The following IQSEC2 variants were observed in gnomAD, a reference collection of about 807,000 sequenced individuals.
The protein encoded by IQSEC2 is IQ motif and SEC7 domain-containing protein 2.
A neutral mutation model predicts 74.6 loss-of-function variants in IQSEC2; 6 were observed. The observed-to-expected ratio is 0.08, with a 90% confidence interval of 0.04 to 0.16. The LOEUF is 0.16. Among genes scored for constraint, IQSEC2 ranks in the 10% least tolerant of loss-of-function variants. The pLI is 1.00. For missense variants in IQSEC2, 734 were observed against 1,306.2 expected, an observed-to-expected ratio of 0.56 and a Z score of 6.75; for synonymous variants, 494 against 544.5, an observed-to-expected ratio of 0.91 and a Z score of 1.29.
At chrX:53,249,559 A>T (rs782132322) in intron 5 of IQSEC2, among the ~76,000 whole-genome samples, 1 of 112,685 alleles carries the variant, frequency 8.9e-6, no homozygotes, top group Non-Finnish European at 1.9e-5. Flanking sequence ...AAATAGGAAC[A>T]CTACTGCCTG....
chrX:53,241,900 G>A lies in IQSEC2; in HGVS notation c.2899C>T (p.Leu967Phe). ...CAGCAAACCAGTCGACGGTGAGGGA[G>A]AGACAGGACCTAGACAGGCATGAAG... The part of the protein sequence containing the change: ...MIVGKKPVLS[L>F]PHRRLVCCCQ... Residue 967 changes from leucine to phenylalanine, a missense_variant, in exon 10 of 15, where the codon CTC (leucine) becomes TTC (phenylalanine). Leu to Phe is a conservative substitution (Grantham distance 22, BLOSUM62 0). This residue lies in a region of IQSEC2 where 249 missense variants were observed against 467.9 expected (regional missense o/e 0.53). Transcript: ENST00000642864. 1 of 1,209,319 alleles carries A rather than the reference G, an allele frequency of 8.3e-7. No individual in the cohort carries two copies. Among genetic ancestry groups the A allele is most frequent in the Non-Finnish European group, 1.1e-6 (1 of 894,288 alleles).
At chrX:53,302,009 C>T in intron 1 of IQSEC2, among the ~76,000 whole-genome samples, 1 of 112,445 alleles carries the variant, frequency 8.9e-6, no homozygotes, top group Middle Eastern at 4.6e-3. Context: ...TCAGCTCTGC[C>T]TCTTCCAGCT....
At chrX:53,259,908 G>C (rs2074543660) in intron 2 of IQSEC2, among the ~76,000 whole-genome samples, 1 of 112,279 alleles carries the variant, frequency 8.9e-6, no homozygotes, top group Admixed American at 9.4e-5. Context: ...CAACAACTGA[G>C]CACCCTCTGT....
At chrX:53,246,407 G>C (rs1421736416) in intron 8 of IQSEC2, among the ~76,000 whole-genome samples, 2 of 111,455 alleles carry the variant, frequency 1.8e-5, no homozygotes, top group Non-Finnish European at 3.8e-5. Flanking sequence ...TAGTTATCTG[G>C]GTGCTACAAG....
Position 53,243,312 on chromosome X carries a change from C to A in IQSEC2, c.2889+20G>T, listed in dbSNP as rs950111896. ...GCAGACCTGAACCCTGGCCCCTCTG[C>A]AGCCTCCCAAGGCACTTACTGGTTT... On this transcript the variant is annotated intron_variant, in intron 9 of 14. Coordinates refer to ENST00000642864, the MANE Select transcript of IQSEC2 (RefSeq NM_001111125.3). 2.6e-6 allele frequency: 3 copies of A among 1,156,764 alleles called. No individual in the cohort carries two copies. In the African/African-American group the frequency reaches 5.3e-5, roughly 21 times the overall value.
chrX:53,302,787 A>C (rs1480190326), intron 1 of IQSEC2, among the ~76,000 whole-genome samples: 2 of 111,505 alleles, frequency 1.8e-5, no homozygotes, highest in African/African-American at 6.5e-5. Flanking sequence ...TGAAATAAAA[A>C]TTAGCCAGGC....
rs184510964 is a variant in IQSEC2, at chrX:53,244,116, G to A, written c.2750-645C>T. Among the ~76,000 whole-genome samples, 4 of 109,902 alleles carry A rather than the reference G, an allele frequency of 3.6e-5. No individual in the cohort carries two copies. The East Asian group carries it at 1.1e-3, about 31-fold the overall frequency. ...TGCCTGTAGTCCCAGGTACTCGGGA[G>A]GCTGAGGCAGAATTGCTTGAACCCG... On this transcript the variant is annotated intron_variant, in intron 8 of 14. Transcript: ENST00000642864.
Position 53,308,667 on chromosome X carries a change from T to A in IQSEC2, c.707+11750A>T, listed in dbSNP as rs1413517308. ...GGAGAGATGGAGGGAAGGATGGCAC[T>A]AATAACTATGTCTTACAAAGTACGT... On this transcript the variant is annotated intron_variant, in intron 1 of 14. Transcript: ENST00000642864. Among the ~76,000 whole-genome samples, 3 of 111,579 alleles carry A rather than the reference T, an allele frequency of 2.7e-5. 1 individual carries two copies. In the Admixed American group the frequency reaches 2.9e-4, roughly 11 times the overall value.
chrX:53,266,282 T>C (rs1259564875), intron 2 of IQSEC2: 9 of 590,152 alleles, frequency 1.5e-5, no homozygotes, highest in Admixed American at 9.0e-5. Context: ...CTGGTGGGGA[T>C]TGGAAGAGGG....
chrX:53,291,183 C>T (rs1314977714), intron 2 of IQSEC2, among the ~76,000 whole-genome samples: 1 of 110,523 alleles, frequency 9.0e-6, no homozygotes, highest in Non-Finnish European at 1.9e-5. Flanking sequence ...CTTCATGAAG[C>T]TTCTGATGGG....
Position 53,303,814 on chromosome X carries a change from G to C in IQSEC2, c.708-11890C>G, listed in dbSNP as rs188325717. 5.5e-4 allele frequency among the ~76,000 whole-genome samples: 59 copies of C among 107,924 alleles called. No homozygotes were observed. The East Asian group carries it at 0.016, about 30-fold the overall frequency. The allele number at this position is 107,924 out of a possible 115,157, so 93.7% of individuals were successfully genotyped here. On this transcript the variant is annotated intron_variant, in intron 1 of 14. Transcript: ENST00000642864. ...AAACTCCATCTAAAAAAAAAAAAAAGTGAAAGTGAAAACCTTTTGAAAGAT... is the reference window on the plus strand; with the variant it reads ...AAACTCCATCTAAAAAAAAAAAAAACTGAAAGTGAAAACCTTTTGAAAGAT...
intron 1 of IQSEC2, among the ~76,000 whole-genome samples, chrX:53,308,961 A>C (rs1556877384): frequency 9.1e-6 from 1 of 109,349 alleles, no homozygotes; most frequent in East Asian, 2.9e-4. Context: ...AAACTTTGCC[A>C]GGTGTAGTGG....
At chrX:53,303,356 GCTGTAGCCTTAC>G (rs1282955273) in intron 1 of IQSEC2, among the ~76,000 whole-genome samples, 5 of 111,431 alleles carry the variant, frequency 4.5e-5, no homozygotes, top group Non-Finnish European at 9.4e-5. Flanking sequence ...AATGAGTGGA[GCTGTAGCCTTAC>G]CCAAAGGAGC....
intron 1 of IQSEC2, among the ~76,000 whole-genome samples, chrX:53,317,089 G>T (rs1211817237): frequency 9.9e-5 from 11 of 111,592 alleles, no homozygotes; most frequent in African/African-American, 3.6e-4. Flanking sequence ...CACTCTAGGT[G>T]GCAGGACTGC....
At position 53,241,885 on chromosome X, in the gene IQSEC2, G is replaced by A; in HGVS notation, c.2914C>T (p.Leu972=). The change falls in exon 10 of 15, where the codon CTG becomes TTG. Residue 972 remains leucine, a synonymous_variant. Transcript: ENST00000642864. ...KPVLSLPHRR[L]VCCCQLYEVP... ...TCGTAGAGCTGGCAGCAGCAAACCA[G>A]TCGACGGTGAGGGAGAGACAGGACC... The A allele has an allele frequency of 1.7e-6, 2 of 1,209,975 alleles. No homozygotes were observed. The highest frequency in any genetic ancestry group is 2.2e-6 in the Non-Finnish European group (2 of 894,619).
chrX:53,226,752 CA>C (rs2074041378), downstream of IQSEC2: 1 of 111,987 alleles, frequency 8.9e-6, no homozygotes, highest in East Asian at 2.8e-4. Context: ...GCCCTGGGCT[CA>C]AAAGAGTCAT....
intron 2 of IQSEC2, among the ~76,000 whole-genome samples, chrX:53,282,914 G>A (rs2074987918): frequency 9.0e-6 from 1 of 111,704 alleles, no homozygotes; most frequent in South Asian, 3.7e-4. Context: ...GTGTAGTGCT[G>A]GGCCGGGTGC....
At chrX:53,284,861 C>T (rs782090504) in intron 2 of IQSEC2, among the ~76,000 whole-genome samples, 9 of 111,510 alleles carry the variant, frequency 8.1e-5, no homozygotes, top group East Asian at 2.8e-4. Flanking sequence ...TTGGCCAGGC[C>T]GACCCAGGAG....
intron 1 of IQSEC2, among the ~76,000 whole-genome samples, chrX:53,307,294 T>TC (rs2075273665): frequency 2.9e-5 from 2 of 69,704 alleles, no homozygotes; most frequent in African/African-American, 8.2e-5. Context: ...TTTCTTTCTT[T>TC]CTTTTTTTTT....
Sources: allele counts gnomAD v4.1 joint callset (sites outside exome capture counted in the v4.1 genomes callset), GRCh38; gene constraint gnomAD v4.1.1; regional missense constraint gnomAD v4.1.1; transcripts MANE v1.5; gene names NCBI Gene and HGNC (gene_info 2026-07-23, HGNC 2026-07-21).